STXBP6: variants seen among roughly 807,000 people sequenced by gnomAD.
STXBP6 encodes the protein syntaxin-binding protein 6.
A neutral mutation model predicts 26.9 loss-of-function variants in STXBP6; 21 were observed. The observed-to-expected ratio is 0.78, with a 90% CI of 0.55 to 1.12. The LOEUF is 1.12. Ranked by LOEUF, STXBP6 falls within the 50% of genes most tolerant of loss-of-function variation. STXBP6 has a pLI of 0.00. For missense variants in STXBP6, 232 were observed against 257.9 expected (o/e 0.90, Z 0.69); for synonymous variants, 97 against 92.6 (o/e 1.05, Z -0.27).
chr14:25,031,719 T>TC (rs1173821900), intron 1 of STXBP6, among the ~76,000 whole-genome samples: 1 of 130,388 alleles, frequency 7.7e-6, no homozygotes, highest in African/African-American at 2.7e-5. Flanking sequence ...CCCAAGCAAT[T>TC]TTTTTTTTTT....
chr14:24,977,437 G>A (rs1440664612), intron 1 of STXBP6, among the ~76,000 whole-genome samples: 3 of 151,694 alleles, frequency 2.0e-5, no homozygotes, highest in Non-Finnish European at 4.4e-5. Context: ...GAGAGAGAGA[G>A]AATAGATAAA....
chr14:25,007,438 G>T (rs2074927842), intron 1 of STXBP6, among the ~76,000 whole-genome samples: 1 of 152,164 alleles, frequency 6.6e-6, no homozygotes, highest in African/African-American at 2.4e-5. Flanking sequence ...TTTCATGCCT[G>T]TGGGTACAAT....
At chr14:24,951,254 C>G (rs778462950) in intron 2 of STXBP6, among the ~76,000 whole-genome samples, 2 of 152,150 alleles carry the variant, frequency 1.3e-5, no homozygotes, top group African/African-American at 2.4e-5. Flanking sequence ...GGTATATACC[C>G]AGTAATGGGA....
intron 1 of STXBP6, among the ~76,000 whole-genome samples, chr14:25,012,014 G>A (rs139633432): frequency 2.6e-5 from 4 of 152,242 alleles, no homozygotes; most frequent in East Asian, 3.9e-4. Context: ...ACAGGATCTC[G>A]TTCTGTCACC....
At chr14:25,019,669 C>T (rs772842030) in intron 1 of STXBP6, among the ~76,000 whole-genome samples, 1 of 152,182 alleles carries the variant, frequency 6.6e-6, no homozygotes, top group Non-Finnish European at 1.5e-5. Context: ...AACCTGGACA[C>T]TCTTGCCCCA....
chr14:25,027,194 T>C (rs565417940), intron 1 of STXBP6, among the ~76,000 whole-genome samples: 6 of 152,228 alleles, frequency 3.9e-5, no homozygotes, highest in Non-Finnish European at 7.3e-5. Flanking sequence ...ACTTCACAGA[T>C]ATTTTATATT....
intron 1 of STXBP6, among the ~76,000 whole-genome samples, chr14:24,994,307 A>C (rs905013469): frequency 1.3e-5 from 2 of 152,148 alleles, no homozygotes; most frequent in African/African-American, 4.8e-5. Context: ...AATGTCTGTC[A>C]TCAACTTAAT....
chr14:24,933,795 A>C (rs2072505391), intron 2 of STXBP6, among the ~76,000 whole-genome samples: 1 of 152,172 alleles, frequency 6.6e-6, no homozygotes, highest in African/African-American at 2.4e-5. Flanking sequence ...CCTACATTTT[A>C]TCAAAATTGG....
At chr14:24,982,459 T>C (rs2074221906) in intron 1 of STXBP6, among the ~76,000 whole-genome samples, 5 of 152,234 alleles carry the variant, frequency 3.3e-5, no homozygotes, top group Admixed American at 3.3e-4. Context: ...CTGCGCTTGC[T>C]CTCTTAGATG....
intron 2 of STXBP6, among the ~76,000 whole-genome samples, chr14:24,967,939 G>A (rs1415149566): frequency 6.6e-6 from 1 of 152,072 alleles, no homozygotes; most frequent in Non-Finnish European, 1.5e-5. Context: ...GGGACCAGGT[G>A]GATGTCTGAC....
rs561008954 is a variant in STXBP6, at chr14:25,049,334, C to A, written c.-33+544G>T. 4.8e-3 allele frequency: 4,724 copies of A among 985,412 alleles called. 15 individuals carry two copies. The highest frequency in any genetic ancestry group is 5.5e-3 in the Non-Finnish European group (4,554 of 829,924). 61.0% of individuals were successfully genotyped at this position (985,412 alleles called of 1,614,324 possible). A position where few individuals can be genotyped will look rare whatever the true frequency, so the allele number is the denominator to read the frequency against. On this transcript the variant is annotated intron_variant, in intron 1 of 5. Coordinates refer to ENST00000323944, the MANE Select transcript of STXBP6 (RefSeq NM_001394410.1). This position sits in a 1 kb window ranked among gnomAD's most constrained non-coding sequence, Gnocchi z 5.6. Reference sequence around the variant, plus strand: ...GAAAGGGGGCATCGCCCAGGGCCAGCGCCCTGGGGGCAGGGTGCCGTGCCC... The same window carrying A: ...GAAAGGGGGCATCGCCCAGGGCCAGAGCCCTGGGGGCAGGGTGCCGTGCCC...
At chr14:24,918,452 CCACACA>C (rs55810129) in intron 2 of STXBP6, among the ~76,000 whole-genome samples, 3,380 of 133,422 alleles carry the variant, frequency 0.025, 65 homozygotes, top group African/African-American at 0.061. Flanking sequence ...CACACCCCCA[CCACACA>C]CACACACACA....
rs1315268038 is a variant in STXBP6 at position 24,940,487 on chromosome 14, T to A, written c.154+34178A>T. ...TTTTCCCTTTATCCTCAATCTGTCA[T>A]CTGTACCTTTTTATTATTGCTCAGC... On this transcript the variant is annotated intron_variant, in intron 2 of 5. Coordinates refer to ENST00000323944, the MANE Select transcript of STXBP6 (RefSeq NM_001394410.1). Among the ~76,000 whole-genome samples the A allele has an allele frequency of 4.6e-5, 7 of 152,316 alleles. No homozygotes were observed. In the East Asian group the frequency reaches 1.4e-3, roughly 29 times the overall value.
chr14:24,856,146 C>G, intron 3 of STXBP6, 45 bp from the exon 4 acceptor site: 1 of 1,519,746 alleles, frequency 6.6e-7, no homozygotes, highest in Non-Finnish European at 8.8e-7. Flanking sequence ...TCTATAAAAA[C>G]TGCTGTTTCT....
chr14:24,934,247 A>C (rs2072520874), intron 2 of STXBP6, among the ~76,000 whole-genome samples: 1 of 152,176 alleles, frequency 6.6e-6, no homozygotes, highest in Non-Finnish European at 1.5e-5. Flanking sequence ...TAAGTTTTTG[A>C]ACCTAAAATA....
At chr14:24,955,183 G>C (rs528442071) in intron 2 of STXBP6, among the ~76,000 whole-genome samples, 7 of 152,304 alleles carry the variant, frequency 4.6e-5, no homozygotes, top group East Asian at 3.9e-4. Flanking sequence ...GGCAGGAGGA[G>C]AGAGTAACAT....
intron 1 of STXBP6, among the ~76,000 whole-genome samples, chr14:25,045,376 C>G (rs553374439): frequency 6.6e-6 from 1 of 151,938 alleles, no homozygotes; most frequent in Non-Finnish European, 1.5e-5. Flanking sequence ...TGATTAATAC[C>G]CACCCCAACA....
intron 4 of STXBP6, among the ~76,000 whole-genome samples, chr14:24,835,246 G>A (rs991656022): frequency 6.6e-6 from 1 of 152,200 alleles, no homozygotes; most frequent in East Asian, 1.9e-4. Context: ...CTGCTCTAGA[G>A]CGGCACTAAA....
intron 2 of STXBP6, among the ~76,000 whole-genome samples, chr14:24,884,337 C>T (rs572171261): frequency 1.3e-5 from 2 of 152,262 alleles, no homozygotes; most frequent in Non-Finnish European, 2.9e-5. Context: ...GCAAACAGCT[C>T]CTGATTTCCA....
Sources: gnomAD v4.1 joint callset for allele counts (sites outside exome capture counted in the v4.1 genomes callset) on GRCh38, gnomAD v4.1.1 for gene constraint, Gnocchi (gnomAD v3.1) non-coding constraint, MANE v1.5 for transcripts, NCBI Gene and HGNC (gene_info 2026-07-23, HGNC 2026-07-21) for gene names.